Variants in C12orf42 observed in about 807,000 individuals in gnomAD.
The protein encoded by C12orf42 is chromosome 12 open reading frame 42, also known as uncharacterized protein C12orf42.
Under a neutral mutation model 21.6 loss-of-function variants are expected in C12orf42, and 25 were observed. The ratio of observed to expected loss-of-function variants is 1.16; its 90% CI spans 0.84 to 1.62. The LOEUF (loss-of-function observed/expected upper bound fraction) is 1.62. C12orf42 is among the 40% of genes most tolerant of loss of function. The pLI is 0.00. For synonymous variants in C12orf42, 174 were observed against 175.0 expected (o/e 0.99, Z 0.05); for missense variants, 483 against 459.3 (o/e 1.05, Z -0.47).
chr12:103,477,802 T>C (rs2374070), intron 2 of C12orf42: 28,824 of 152,548 alleles, frequency 0.19, 2,975 homozygotes, highest in African/African-American at 0.29. Flanking sequence ...GAGCCCTGTT[T>C]CAGACTTCTG....
At chr12:103,409,745 T>C (rs2048694115) in intron 2 of C12orf42, among the ~76,000 whole-genome samples, 1 of 152,204 alleles carries the variant, frequency 6.6e-6, no homozygotes, top group Non-Finnish European at 1.5e-5. Flanking sequence ...ATAATTATGA[T>C]ATCATGTCAT....
chr12:103,294,490 A>C (rs71466265), intron 4 of C12orf42, among the ~76,000 whole-genome samples: 1,358 of 81,690 alleles, frequency 0.017, 22 homozygotes, highest in African/African-American at 0.075. Context: ...AGCAAGCAAG[A>C]AAGAAAGAAA....
chr12:103,345,332 A>G (rs1373779197), intron 4 of C12orf42, among the ~76,000 whole-genome samples: 2 of 152,212 alleles, frequency 1.3e-5, no homozygotes, highest in African/African-American at 4.8e-5. Context: ...TGAGGATCAA[A>G]TAAGTTGATA....
chr12:103,378,476 AT>A lies in C12orf42; in HGVS notation c.148-9479del, dbSNP rs1245789703. Among the ~76,000 whole-genome samples the A allele has an allele frequency of 1.3e-5, 2 of 152,082 alleles. 1 individual carries two copies. Among genetic ancestry groups the A allele is most frequent in the Admixed American group, 1.3e-4 (2 of 15,258 alleles). On this transcript the variant is annotated intron_variant, in intron 3 of 5. Transcript: ENST00000548883. ...TAATGGCCATGCTTCTTGCCTCACT[AT>A]CCCCATCCAAGGCAAATCCTGGACC...
intron 3 of C12orf42, among the ~76,000 whole-genome samples, chr12:103,373,090 T>C (rs764812091): frequency 2.5e-4 from 38 of 152,288 alleles, no homozygotes; most frequent in Admixed American, 3.9e-4. Flanking sequence ...CTGTGGCTTT[T>C]AGTTGATTCA....
intron 4 of C12orf42, among the ~76,000 whole-genome samples, chr12:103,358,696 C>G (rs1207817473): frequency 6.6e-6 from 1 of 151,916 alleles, no homozygotes; most frequent in Non-Finnish European, 1.5e-5. Flanking sequence ...GTGAAGTTTA[C>G]TGGTTTTATC....
At chr12:103,431,176 T>C (rs2139333616) in intron 2 of C12orf42, 1 of 152,296 alleles carries the variant, frequency 6.6e-6, no homozygotes, top group East Asian at 1.9e-4. Context: ...TCAGACATTG[T>C]GCTGGAGTCT....
chr12:103,489,454 A>AC (rs1259608011), intron 1 of C12orf42, among the ~76,000 whole-genome samples: 1 of 152,194 alleles, frequency 6.6e-6, no homozygotes, highest in African/African-American at 2.4e-5. Context: ...GAGCTCAAAC[A>AC]CCGTGCTGGG....
the C12orf42 span, among the ~76,000 whole-genome samples, chr12:103,158,454 G>A: frequency 6.6e-6 from 1 of 152,190 alleles, no homozygotes; most frequent in African/African-American, 2.4e-5. Context: ...CCCTTAGGCT[G>A]TGGATGTTTT....
chr12:103,179,606 C>T, the C12orf42 span, among the ~76,000 whole-genome samples: 1 of 152,080 alleles, frequency 6.6e-6, no homozygotes, highest in African/African-American at 2.4e-5. Flanking sequence ...GAGAGTCCAG[C>T]CACCATTTTA....
chr12:103,326,139 G>T (rs960899883), intron 4 of C12orf42, among the ~76,000 whole-genome samples: 4 of 152,178 alleles, frequency 2.6e-5, no homozygotes, highest in Non-Finnish European at 5.9e-5. Flanking sequence ...GGCCCATGGT[G>T]GTTAAGAATC....
chr12:103,138,320 C>A, the C12orf42 span, among the ~76,000 whole-genome samples: 28 of 152,116 alleles, frequency 1.8e-4, no homozygotes, highest in African/African-American at 6.5e-4. Flanking sequence ...ATCATGAGGG[C>A]GGATTTCCTC....
chr12:103,432,278 T>C (rs10466955), intron 2 of C12orf42, among the ~76,000 whole-genome samples: 125,960 of 152,172 alleles, frequency 0.83, 52,166 homozygotes, highest in Admixed American at 0.88. Flanking sequence ...ATGCTTATCA[T>C]CAGCCTTAGG....
chr12:103,187,315 A>T, the C12orf42 span, among the ~76,000 whole-genome samples: 7 of 151,756 alleles, frequency 4.6e-5, no homozygotes, highest in East Asian at 3.9e-4. Flanking sequence ...CTTACAGAAT[A>T]AAAAAAAACT....
At chr12:103,166,828 T>C in the C12orf42 span, among the ~76,000 whole-genome samples, 1 of 152,216 alleles carries the variant, frequency 6.6e-6, no homozygotes, top group African/African-American at 2.4e-5. Context: ...ATTTCATCCA[T>C]CTTTTTTTTT....
chr12:103,164,414 C>T, the C12orf42 span: 3 of 455,876 alleles, frequency 6.6e-6, no homozygotes, highest in Admixed American at 7.1e-5. Context: ...TCCTTGAATG[C>T]AAATATTGCC....
intron 5 of C12orf42, among the ~76,000 whole-genome samples, chr12:103,276,461 C>T (rs2035777929): frequency 6.6e-6 from 1 of 152,214 alleles, no homozygotes; most frequent in Non-Finnish European, 1.5e-5. Flanking sequence ...CAAGAGTGAA[C>T]TTCCCATCCC....
At chr12:103,221,899 T>G in the C12orf42 span, among the ~76,000 whole-genome samples, 7 of 152,206 alleles carry the variant, frequency 4.6e-5, no homozygotes, top group African/African-American at 1.7e-4. Context: ...GGATTTGTCT[T>G]CTTCATTGAA....
At chr12:103,278,295 C>T (rs964110137) in intron 4 of C12orf42, among the ~76,000 whole-genome samples, 1 of 152,090 alleles carries the variant, frequency 6.6e-6, no homozygotes, top group African/African-American at 2.4e-5. Context: ...TCAAAAGATG[C>T]TTTTAGAAAT....
Sources: allele counts gnomAD v4.1 joint callset (sites outside exome capture counted in the v4.1 genomes callset), GRCh38; gene constraint gnomAD v4.1.1; transcripts MANE v1.5; gene names NCBI Gene and HGNC (gene_info 2026-07-23, HGNC 2026-07-21).